Variants in PRDM15 observed in about 807,000 individuals in gnomAD.
PRDM15 encodes the protein PR domain zinc finger protein 15.
A neutral mutation model predicts 128.6 loss-of-function variants in PRDM15; 64 were observed. The ratio of observed to expected loss-of-function variants is 0.50; its 90% CI spans 0.41 to 0.61. PRDM15 has a LOEUF of 0.61. PRDM15 is among the 20% of genes least tolerant of loss of function. The probability of loss-of-function intolerance (pLI) is 0.00; values close to 1 mark genes in which losing one functional copy is unlikely to be tolerated. For synonymous variants in PRDM15, 615 were observed against 621.8 expected (o/e 0.99, Z 0.16); for missense variants, 1,242 against 1,569.1 (o/e 0.79, Z 3.52).
Position 41,811,730 on chromosome 21 carries a change from T to C in PRDM15, c.2393-894A>G, listed in dbSNP as rs944412786. 1 of 148,088 alleles carries C rather than the reference T, an allele frequency of 6.8e-6. No individual in the cohort carries two copies. Among genetic ancestry groups the C allele is most frequent in the Admixed American group, 6.8e-5 (1 of 14,610 alleles). The allele number at this position is 148,088 out of a possible 1,614,324, so 9.2% of individuals were successfully genotyped here. The stretch of plus-strand genomic sequence containing the variant: ...ACAGCGTCTCACTCTGTTGCCCAGG[T>C]TGGAGTGCAGCGGCGCGATCTCGGC... On this transcript the variant is annotated intron_variant, in intron 19 of 23. Transcript: ENST00000398548. The surrounding 1 kb of genome is among the most constrained non-coding windows in gnomAD (Gnocchi z 4.1).
intron 23 of PRDM15, 128 bp from the exon 24 acceptor site, chr21:41,801,850 G>A (rs1285328175): frequency 1.3e-5 from 14 of 1,097,198 alleles, no homozygotes; most frequent in Non-Finnish European, 1.7e-5. Flanking sequence ...AGAGGAAACC[G>A]AGTTAATTTT....
intron 13 of PRDM15, 32 bp downstream of exon 13, chr21:41,825,928 T>A (rs778060603): frequency 6.7e-7 from 1 of 1,499,692 alleles, no homozygotes. Context: ...GTGCTTTCCA[T>A]CTCAGCGTCC....
chr21:41,810,210 T>C lies in PRDM15; in HGVS notation c.2596A>G (p.Thr866Ala). 1.2e-6 allele frequency: 2 copies of C among 1,612,998 alleles called. No individual in the cohort carries two copies. The highest frequency in any genetic ancestry group is 1.7e-6 in the Non-Finnish European group (2 of 1,179,948). Residue 866 changes from threonine (T) to alanine (A), a missense_variant, in exon 21 of 24, where the codon ACC becomes GCC. Coordinates refer to ENST00000398548, the MANE Select transcript of PRDM15 (RefSeq NM_001040424.3). The surrounding 1 kb of genome is among the most constrained non-coding windows in gnomAD (Gnocchi z 6.4). ...ATGGAGGCCCTGGTGGACACCTTGG[T>C]CCCGCACAGCTGGCAGCTCTGCGCC... is the stretch of plus-strand genomic sequence containing the variant. ...VEAQSCQLCG[T>A]KVSTRASMSR...
chr21:41,865,803 G>A (rs1445130061), intron 1 of PRDM15, among the ~76,000 whole-genome samples: 1 of 152,104 alleles, frequency 6.6e-6, no homozygotes, highest in East Asian at 1.9e-4. Context: ...GGAGTATAAT[G>A]GTCCCATCAC....
intron 6 of PRDM15, among the ~76,000 whole-genome samples, chr21:41,843,844 G>A (rs2146665390): frequency 1.3e-5 from 2 of 151,938 alleles, no homozygotes; most frequent in Middle Eastern, 3.4e-3. Context: ...AGCTACTTGG[G>A]AGGTCAAAAT....
At chr21:41,848,503 G>A (rs2063335657) in intron 5 of PRDM15, among the ~76,000 whole-genome samples, 1 of 152,224 alleles carries the variant, frequency 6.6e-6, no homozygotes, top group South Asian at 2.1e-4. Flanking sequence ...AGAATCCGCT[G>A]CTTGAAGAAT....
intron 1 of PRDM15, chr21:41,870,934 T>A: frequency 6.6e-6 from 1 of 152,464 alleles, no homozygotes; most frequent in Non-Finnish European, 1.5e-5. Context: ...CTCAGTTTCC[T>A]TCCCTTACAG....
At position 41,835,533 on chromosome 21, in the gene PRDM15, A is replaced by AG; in HGVS notation, c.1279-10dup. ...CTGTACTCGCCGTCCACCTGGTCAG[A>AG]GGGACACGCCGTGAGTGAGATGGCC... On this transcript the variant is annotated splice_polypyrimidine_tract_variant and intron_variant, in intron 10 of 23. Coordinates refer to ENST00000398548, the MANE Select transcript of PRDM15 (RefSeq NM_001040424.3). 6.2e-7 allele frequency: 1 copy of AG among 1,605,290 alleles called. No homozygotes were observed. The highest frequency in any genetic ancestry group is 1.3e-5 in the African/African-American group (1 of 74,944).
At chr21:41,874,583 T>G (rs891358877) in intron 1 of PRDM15, among the ~76,000 whole-genome samples, 2 of 141,198 alleles carry the variant, frequency 1.4e-5, no homozygotes, top group African/African-American at 5.3e-5. Flanking sequence ...ACGAGACACC[T>G]GAAACACCCC....
intron 5 of PRDM15, among the ~76,000 whole-genome samples, chr21:41,851,616 C>T (rs1251944860): frequency 6.6e-6 from 1 of 152,172 alleles, no homozygotes; most frequent in African/African-American, 2.4e-5. Context: ...GTGTGAGGAG[C>T]AGGTGTTGAC....
rs375806150 is a variant in PRDM15, at chr21:41,872,301, ATT to A, written c.-10+6967_-10+6968del. Among the ~76,000 whole-genome samples the A allele has an allele frequency of 1.0e-2, 1,520 of 152,168 alleles. 19 individuals carry two copies. Among genetic ancestry groups the A allele is most frequent in the African/African-American group, 0.034 (1,419 of 41,512 alleles). On this transcript the variant is annotated intron_variant, in intron 1 of 23. Coordinates refer to ENST00000398548, the MANE Select transcript of PRDM15 (RefSeq NM_001040424.3). Reference sequence around the variant, plus strand: ...CTCATTTCTCAAACTTGGATCTTGCATTTTTACTTCTTATGGCAGATGAAGGG... The same window carrying A: ...CTCATTTCTCAAACTTGGATCTTGCATTTACTTCTTATGGCAGATGAAGGG...
rs931475339 is a variant in PRDM15 at position 41,811,252 on chromosome 21, A to C, written c.2393-416T>G. On this transcript the variant is annotated intron_variant, in intron 19 of 23. Coordinates refer to ENST00000398548, the MANE Select transcript of PRDM15 (RefSeq NM_001040424.3). The surrounding 1 kb of genome is among the most constrained non-coding windows in gnomAD (Gnocchi z 4.1). Reference sequence around the variant, plus strand: ...ACTGAAATCAGGACCAATGGCAAGGAGGACACAGACGAGCCAAGCGTAAAA... The same window carrying C: ...ACTGAAATCAGGACCAATGGCAAGGCGGACACAGACGAGCCAAGCGTAAAA... 4 of 185,648 alleles carry C rather than the reference A, an allele frequency of 2.2e-5. No individual in the cohort carries two copies. The highest frequency in any genetic ancestry group is 9.3e-5 in the African/African-American group (4 of 43,228). The allele number at this position is 185,648 out of a possible 1,614,324, so 11.5% of individuals were successfully genotyped here. A position where few individuals can be genotyped will look rare whatever the true frequency, so the allele number is the denominator to read the frequency against.
At chr21:41,841,754 G>A (rs1275400378) in intron 6 of PRDM15, among the ~76,000 whole-genome samples, 1 of 152,154 alleles carries the variant, frequency 6.6e-6, no homozygotes, top group Non-Finnish European at 1.5e-5. Context: ...AATCAATTGT[G>A]TTAACTGTGT....
At chr21:41,823,190 C>A in intron 14 of PRDM15, 128 bp downstream of exon 14, 2 of 1,236,740 alleles carry the variant, frequency 1.6e-6, no homozygotes, top group Middle Eastern at 1.9e-4. Flanking sequence ...GCCTCCAGAA[C>A]CGTGAGCAGC....
intron 1 of PRDM15, chr21:41,878,846 G>GT (rs1569039393): frequency 3.4e-6 from 3 of 870,956 alleles, no homozygotes; most frequent in Non-Finnish European, 3.8e-6. Context: ...GCCGCGGGCC[G>GT]GGGCGGCGAA....
At chr21:41,845,434 C>T (rs1351112579) in intron 6 of PRDM15, among the ~76,000 whole-genome samples, 1 of 151,224 alleles carries the variant, frequency 6.6e-6, no homozygotes, top group Non-Finnish European at 1.5e-5. Flanking sequence ...ATGGATGTTC[C>T]CAAGAAGCCC....
chr21:41,850,218 A>T (rs8130749), intron 5 of PRDM15, among the ~76,000 whole-genome samples: 119,515 of 151,552 alleles, frequency 0.79, 47,129 homozygotes, highest in African/African-American at 0.82. Flanking sequence ...TCAGAGCGAG[A>T]CTAAAAGGGA....
rs1324051429 is a variant in PRDM15 at position 41,826,045 on chromosome 21, C to T, written c.1544G>A (p.Arg515Gln). The T allele has an allele frequency of 1.6e-5, 26 of 1,613,972 alleles. No homozygotes were observed. Among genetic ancestry groups the T allele is most frequent in the South Asian group, 9.9e-5 (9 of 91,082 alleles). Residue 515 changes from arginine to glutamine, a missense_variant, in exon 13 of 24, where the codon CGA becomes CAA. Arg to Gln is a conservative substitution (Grantham distance 43). Coordinates refer to ENST00000398548, the MANE Select transcript of PRDM15 (RefSeq NM_001040424.3). ...HQRRHLEGVR[R>Q]VKREDLEAGG... ...GGCCTCCAGGTCCTCTCGCTTCACT[C>T]GCCGCACTCCTGAAATTGCCAACCC...
chr21:41,815,958 C>T (rs2062036643), intron 18 of PRDM15, 122 bp from the exon 19 acceptor site: 3 of 1,290,468 alleles, frequency 2.3e-6, no homozygotes, highest in South Asian at 2.8e-5. Flanking sequence ...GGGTGTGGGC[C>T]GGCCCCCGAG....
Sources: allele counts gnomAD v4.1 joint callset (sites outside exome capture counted in the v4.1 genomes callset), GRCh38; gene constraint gnomAD v4.1.1; non-coding constraint Gnocchi (gnomAD v3.1); transcripts MANE v1.5; gene names NCBI Gene and HGNC (gene_info 2026-07-23, HGNC 2026-07-21).